DTNA: variants seen among roughly 807,000 people sequenced by gnomAD.
The protein encoded by DTNA is dystrobrevin alpha, also known as dystrophin-related protein 3.
In DTNA, 43 loss-of-function variants were observed where a neutral mutation model predicts 100.7. The ratio of observed to expected loss-of-function variants is 0.43; its 90% CI spans 0.33 to 0.55. The LOEUF (loss-of-function observed/expected upper bound fraction) is 0.55, where lower values mean the gene tolerates loss of function less well. Among genes scored for constraint, DTNA ranks in the 20% least tolerant of loss-of-function variants. The pLI, the probability that DTNA is intolerant of heterozygous loss-of-function variation, is 0.04. For missense variants in DTNA, 798 were observed against 953.9 expected, an observed-to-expected ratio of 0.84 and a Z score of 2.15; for synonymous variants, 349 against 347.9, an observed-to-expected ratio of 1.00 and a Z score of -0.04.
chr18:34,537,372 A>G (rs1368991035), intron 1 of DTNA, among the ~76,000 whole-genome samples: 1 of 152,026 alleles, frequency 6.6e-6, no homozygotes, highest in Admixed American at 6.6e-5. Flanking sequence ...TGAAAATAAT[A>G]TGAATATCAC....
chr18:34,529,559 A>G (rs796103814), intron 1 of DTNA, among the ~76,000 whole-genome samples: 2 of 152,276 alleles, frequency 1.3e-5, no homozygotes, highest in South Asian at 2.1e-4. Context: ...GAGAATAACA[A>G]ACAAATCAGT....
intron 1 of DTNA, among the ~76,000 whole-genome samples, chr18:34,648,869 T>G (rs2060139197): frequency 1.3e-5 from 2 of 152,238 alleles, no homozygotes; most frequent in South Asian, 4.1e-4. Context: ...CAAATGTATT[T>G]TTAAGTGCCC....
intron 1 of DTNA, among the ~76,000 whole-genome samples, chr18:34,749,409 G>A (rs1225932918): frequency 1.3e-5 from 2 of 152,002 alleles, no homozygotes; most frequent in African/African-American, 2.4e-5. Flanking sequence ...TTCTCAGGGG[G>A]AATGCTTTTA....
chr18:34,772,157 GC>G (rs1355737348), intron 3 of DTNA, among the ~76,000 whole-genome samples: 2 of 152,084 alleles, frequency 1.3e-5, no homozygotes, highest in Non-Finnish European at 2.9e-5. Context: ...ACTGGTTACA[GC>G]CTGAATTTTC....
At chr18:34,866,145 C>A (rs924220679) in intron 17 of DTNA, 3 of 1,614,132 alleles carry the variant, frequency 1.9e-6, no homozygotes, top group Non-Finnish European at 2.5e-6. Flanking sequence ...AGTTATGTCC[C>A]CTACTGCAGG....
At chr18:34,706,175 C>T (rs533008377), upstream of DTNA, among the ~76,000 whole-genome samples, 2 of 152,170 alleles carry the variant, frequency 1.3e-5, no homozygotes, top group South Asian at 2.1e-4. Context: ...CTTGAACTCC[C>T]GACCTCAGGT....
intron 1 of DTNA, among the ~76,000 whole-genome samples, chr18:34,592,001 C>G (rs2049782891): frequency 2.0e-5 from 3 of 152,028 alleles, no homozygotes; most frequent in Non-Finnish European, 4.4e-5. Context: ...CAAACAAAAA[C>G]AGAAAGCTTG....
rs909489743 is a variant in DTNA, at chr18:34,868,458, A to G, written c.1743+4396A>G. 7.1e-6 allele frequency: 7 copies of G among 983,678 alleles called. No individual in the cohort carries two copies. The African/African-American group carries it at 1.2e-4, about 17-fold the overall frequency. The allele number at this position is 983,678 out of a possible 1,614,324, so 60.9% of individuals were successfully genotyped here. On this transcript the variant is annotated intron_variant, in intron 17 of 22. Coordinates refer to ENST00000444659, the MANE Select transcript of DTNA (RefSeq NM_001386795.1). Reference sequence around the variant, plus strand: ...ACTTCTCATGGTAAAACATGATCTAAGGAGAGAATTTAGAGGTTTTAGACT... The same window carrying G: ...ACTTCTCATGGTAAAACATGATCTAGGGAGAGAATTTAGAGGTTTTAGACT...
At position 34,888,002 on chromosome 18, in the gene DTNA, A is replaced by G. The variant is rs2096938003; in HGVS notation, c.*268A>G. 1 of 984,706 alleles carries G rather than the reference A, an allele frequency of 1.0e-6. No homozygotes were observed. Among genetic ancestry groups the G allele is most frequent in the Non-Finnish European group, 1.2e-6 (1 of 829,488 alleles). The allele number at this position is 984,706 out of a possible 1,614,324, so 61.0% of individuals were successfully genotyped here. On this transcript the variant is annotated 3_prime_UTR_variant, in exon 23 of 23. Coordinates refer to ENST00000444659, the MANE Select transcript of DTNA (RefSeq NM_001386795.1). ...TGCATAGGTGTGTGTTTCAAGAAGGAAAAAAAAAGACTTCTGTTCAAAGTT... is the reference window on the plus strand; with the variant it reads ...TGCATAGGTGTGTGTTTCAAGAAGGGAAAAAAAAGACTTCTGTTCAAAGTT...
intron 1 of DTNA, among the ~76,000 whole-genome samples, chr18:34,644,911 T>G (rs1465409995): frequency 6.6e-6 from 1 of 152,136 alleles, no homozygotes; most frequent in East Asian, 1.9e-4. Flanking sequence ...GAAGAAAATA[T>G]TTTAATGTAT....
chr18:34,600,521 T>A (rs1265325143), intron 1 of DTNA, among the ~76,000 whole-genome samples: 2 of 152,216 alleles, frequency 1.3e-5, no homozygotes, highest in African/African-American at 4.8e-5. Context: ...TACAGATGCC[T>A]TAATTAGTTT....
intron 1 of DTNA, among the ~76,000 whole-genome samples, chr18:34,675,055 A>G (rs943117645): frequency 6.6e-6 from 1 of 152,166 alleles, no homozygotes; most frequent in Non-Finnish European, 1.5e-5. Flanking sequence ...GACCTGTGGT[A>G]AAATTACATA....
At position 34,714,279 on chromosome 18, in the gene DTNA, A is replaced by G. The variant is rs1428310184; in HGVS notation, c.-2+3834A>G. ...CTTCTCCACAGCAAAAGAAACTACCATCAGAGTGAACAGGCAACCTACAAA... is the reference window on the plus strand; with the variant it reads ...CTTCTCCACAGCAAAAGAAACTACCGTCAGAGTGAACAGGCAACCTACAAA... On this transcript the variant is annotated intron_variant, in intron 1 of 22. Transcript: ENST00000444659. Among the ~76,000 whole-genome samples the G allele has an allele frequency of 3.9e-4, 58 of 148,824 alleles. 1 individual carries two copies. Among genetic ancestry groups the G allele is most frequent in the Admixed American group, 3.5e-3 (52 of 14,988 alleles).
intron 16 of DTNA, among the ~76,000 whole-genome samples, chr18:34,862,879 G>A (rs968229910): frequency 3.3e-5 from 5 of 152,172 alleles, no homozygotes; most frequent in South Asian, 2.1e-4. Context: ...TCAATTGAGT[G>A]AGTCATTGAC....
chr18:34,721,176 A>G (rs1311774157), intron 1 of DTNA, among the ~76,000 whole-genome samples: 1 of 152,206 alleles, frequency 6.6e-6, no homozygotes, highest in Non-Finnish European at 1.5e-5. Context: ...TTACTGGTTT[A>G]CTAATGCATC....
intron 7 of DTNA, among the ~76,000 whole-genome samples, chr18:34,817,785 G>A (rs2095629120): frequency 6.6e-6 from 1 of 152,078 alleles, no homozygotes; most frequent in South Asian, 2.1e-4. Context: ...TTCACCCCTT[G>A]TGCTTCTGAG....
chr18:34,621,888 GT>G (rs2056572139), intron 1 of DTNA, among the ~76,000 whole-genome samples: 1 of 152,098 alleles, frequency 6.6e-6, no homozygotes, highest in African/African-American at 2.4e-5. Flanking sequence ...ATTCCACAAT[GT>G]ATACATATTT....
intron 17 of DTNA, chr18:34,867,656 G>A: frequency 2.0e-6 from 2 of 990,374 alleles, no homozygotes; most frequent in Non-Finnish European, 2.4e-6. Context: ...GTCGTCATCA[G>A]CCTTGCTTTA....
At chr18:34,686,709 A>G (rs1568219121) in intron 1 of DTNA, among the ~76,000 whole-genome samples, 1 of 152,086 alleles carries the variant, frequency 6.6e-6, no homozygotes, top group Non-Finnish European at 1.5e-5. Flanking sequence ...TTTCAGAAGG[A>G]ATGGTACCAG....
Sources: allele counts gnomAD v4.1 joint callset (sites outside exome capture counted in the v4.1 genomes callset), GRCh38; gene constraint gnomAD v4.1.1; transcripts MANE v1.5; gene names NCBI Gene and HGNC (gene_info 2026-07-23, HGNC 2026-07-21).